Variants in CDH23 observed in about 807,000 individuals in gnomAD.
The protein encoded by CDH23 is cadherin-23.
In CDH23, 189 loss-of-function variants were observed where a neutral mutation model predicts 317.1. The ratio of observed to expected loss-of-function variants is 0.60; its 90% confidence interval spans 0.53 to 0.67. The LOEUF (loss-of-function observed/expected upper bound fraction) is 0.67. CDH23 is among the 30% of genes least tolerant of loss of function. CDH23 has a pLI of 0.00. For synonymous variants in CDH23, 1,839 were observed against 1,876.8 expected (o/e 0.98, Z 0.52); for missense variants, 4,401 against 4,592.4 (o/e 0.96, Z 1.20).
intron 6 of CDH23, among the ~76,000 whole-genome samples, chr10:71,562,500 G>A (rs1327564866): frequency 2.0e-5 from 3 of 152,206 alleles, no homozygotes; most frequent in African/African-American, 4.8e-5. Context: ...TTTGCTTGCT[G>A]TGGGCGCTAA....
chr10:71,635,296 A>T (rs763273497), intron 11 of CDH23: 2 of 152,684 alleles, frequency 1.3e-5, no homozygotes, highest in Non-Finnish European at 2.9e-5. Flanking sequence ...CTGCACGTGC[A>T]GGTGAGGAGG....
At chr10:71,504,643 A>G (rs1321002799) in intron 3 of CDH23, among the ~76,000 whole-genome samples, 5 of 152,176 alleles carry the variant, frequency 3.3e-5, no homozygotes, top group Non-Finnish European at 7.4e-5. Flanking sequence ...CCATGAGGGT[A>G]GGAGAGGCCA....
At position 71,443,401 on chromosome 10, in the gene CDH23, G is replaced by A. The variant is rs115074094; in HGVS notation, c.68-2917G>A. On this transcript the variant is annotated intron_variant, in intron 2 of 69. Coordinates refer to ENST00000224721, the MANE Select transcript of CDH23 (RefSeq NM_022124.6). ...GATGCCACCTCCATGCCGCCACCCA[G>A]CCTCTGTTTACCCCTGTGTGTGGGA... 9.2e-3 allele frequency among the ~76,000 whole-genome samples: 1,403 copies of A among 152,330 alleles called. 24 individuals carry two copies. The highest frequency in any genetic ancestry group is 0.032 in the African/African-American group (1,325 of 41,576).
chr10:71,641,224 G>A (rs1862534317), intron 11 of CDH23, among the ~76,000 whole-genome samples: 1 of 152,220 alleles, frequency 6.6e-6, no homozygotes, highest in Admixed American at 6.5e-5. Flanking sequence ...GGGAGCACGA[G>A]AGAAATGTAG....
chr10:71,797,936 C>T (rs996470802), intron 49 of CDH23, among the ~76,000 whole-genome samples: 12 of 152,174 alleles, frequency 7.9e-5, no homozygotes, highest in African/African-American at 2.7e-4. Flanking sequence ...ATCTTCACAG[C>T]CCAGAAGCCC....
At chr10:71,525,963 G>A (rs1338560651) in intron 6 of CDH23, among the ~76,000 whole-genome samples, 1 of 152,226 alleles carries the variant, frequency 6.6e-6, no homozygotes, top group Admixed American at 6.5e-5. Flanking sequence ...GCTTGGTGCT[G>A]GGAACCCAAG....
At chr10:71,749,814 C>A in intron 38 of CDH23, 1 of 152,552 alleles carries the variant, frequency 6.6e-6, no homozygotes. Flanking sequence ...TCCATCCCCC[C>A]AACCCCCCAA....
At chr10:71,812,318 T>C in intron 66 of CDH23, 162 bp from the exon 67 acceptor site, 1 of 1,598,758 alleles carries the variant, frequency 6.3e-7, no homozygotes, top group Non-Finnish European at 8.5e-7. Flanking sequence ...AGCAGGATCC[T>C]ATGGTGGGAG....
intron 9 of CDH23, among the ~76,000 whole-genome samples, chr10:71,610,890 G>C (rs1454802635): frequency 6.6e-6 from 1 of 152,072 alleles, no homozygotes; most frequent in Non-Finnish European, 1.5e-5. Context: ...CCAGTTCCCA[G>C]AATCCTTACG....
chr10:71,657,972 C>A (rs1863488572), intron 14 of CDH23, among the ~76,000 whole-genome samples: 1 of 152,216 alleles, frequency 6.6e-6, no homozygotes, highest in South Asian at 2.1e-4. Context: ...CAGCCCTGCC[C>A]CCAGGCTGGC....
chr10:71,514,052 C>T (rs572636710), intron 6 of CDH23, among the ~76,000 whole-genome samples: 2 of 151,914 alleles, frequency 1.3e-5, no homozygotes, highest in Non-Finnish European at 2.9e-5. Context: ...CCACACACAC[C>T]CATGCACACA....
intron 8 of CDH23, among the ~76,000 whole-genome samples, chr10:71,573,683 C>T (rs1857969676): frequency 6.6e-6 from 1 of 152,244 alleles, no homozygotes; most frequent in South Asian, 2.1e-4. Context: ...CACTAAGGCC[C>T]ATGCCCAGGG....
intron 12 of CDH23, among the ~76,000 whole-genome samples, chr10:71,645,015 C>T (rs142952753): frequency 6.6e-6 from 1 of 152,356 alleles, no homozygotes; most frequent in East Asian, 1.9e-4. Context: ...GCCATGTCTC[C>T]TCCCCATGAT....
rs368487578 is a variant in CDH23 at position 71,712,712 on chromosome 10, G to A, written c.3268G>A (p.Val1090Ile). The change falls in exon 28 of 70, where the codon GTC becomes ATC. Residue 1090 changes from valine (V) to isoleucine (I), a missense_variant. Physicochemically the swap from Val to Ile is conservative, Grantham distance 29. This residue lies in a region of CDH23 where 3,068 missense variants were observed against 3,203.3 expected (regional missense o/e 0.96). Transcript: ENST00000224721. Reference protein sequence around the residue: ...KRHTGTATVFVTVLDVNDNRP... With the variant: ...KRHTGTATVFITVLDVNDNRP... ...ACACACGGGCACAGCCACCGTGTTC[G>A]TCACTGTCCTGGATGTGAATGACAA... 4.7e-5 allele frequency: 76 copies of A among 1,613,592 alleles called. No individual in the cohort carries two copies. Among genetic ancestry groups the A allele is most frequent in the Non-Finnish European group, 6.3e-5 (74 of 1,179,874 alleles).
intron 3 of CDH23, among the ~76,000 whole-genome samples, chr10:71,506,407 A>G (rs1435268775): frequency 6.6e-6 from 1 of 152,238 alleles, no homozygotes; most frequent in Non-Finnish European, 1.5e-5. Context: ...TTTTACCACA[A>G]ATTTTTACAA....
rs1170129207 is a variant in CDH23 at position 71,521,429 on chromosome 10, A to C, written c.429+10217A>C. On this transcript the variant is annotated intron_variant, in intron 6 of 69. Transcript: ENST00000224721. ...CCACCATTGCTGAGACGAACCCTCC[A>C]TTTCAGAAATCCATCCCATCCGTGT... Among the ~76,000 whole-genome samples the C allele has an allele frequency of 3.9e-5, 6 of 152,044 alleles. No homozygotes were observed. The East Asian group carries it at 9.6e-4, about 24-fold the overall frequency.
At chr10:71,554,329 C>T (rs1440620981) in intron 6 of CDH23, among the ~76,000 whole-genome samples, 1 of 151,818 alleles carries the variant, frequency 6.6e-6, no homozygotes, top group Non-Finnish European at 1.5e-5. Context: ...TCCCAAGTAG[C>T]TGGAACCACA....
At chr10:71,652,212 C>T (rs7077166) in intron 14 of CDH23, among the ~76,000 whole-genome samples, 11,674 of 152,192 alleles carry the variant, frequency 0.077, 1,522 homozygotes, top group African/African-American at 0.27. Flanking sequence ...TGGAGGTGGC[C>T]TAAAAGCCTG....
chr10:71,571,922 C>A (rs1857843477), intron 8 of CDH23, among the ~76,000 whole-genome samples: 1 of 152,260 alleles, frequency 6.6e-6, no homozygotes, highest in Non-Finnish European at 1.5e-5. Flanking sequence ...CTTCCCTTGA[C>A]TGGGGTGCAG....
Sources: gnomAD v4.1 joint callset for allele counts (sites outside exome capture counted in the v4.1 genomes callset) on GRCh38, gnomAD v4.1.1 for gene constraint, gnomAD v4.1.1 regional missense constraint, MANE v1.5 for transcripts, NCBI Gene and HGNC (gene_info 2026-07-23, HGNC 2026-07-21) for gene names.